ARID4B: variants seen among roughly 807,000 people sequenced by gnomAD.
ARID4B encodes the protein AT-rich interaction domain 4B.
A neutral mutation model predicts 147.5 loss-of-function variants in ARID4B; 26 were observed. The observed-to-expected ratio is 0.18, with a 90% CI of 0.13 to 0.24. ARID4B has a LOEUF of 0.24. Among genes scored for constraint, ARID4B ranks in the 10% least tolerant of loss-of-function variants. The probability of loss-of-function intolerance (pLI) is 1.00; values close to 1 mark genes in which losing one functional copy is unlikely to be tolerated. For synonymous variants in ARID4B, 512 were observed against 507.9 expected, an observed-to-expected ratio of 1.01 and a Z score of -0.11; for missense variants, 1,179 against 1,511.5, an observed-to-expected ratio of 0.78 and a Z score of 3.65.
At chr1:235,289,485 A>C (rs1007197405) in intron 2 of ARID4B, among the ~76,000 whole-genome samples, 2 of 152,164 alleles carry the variant, frequency 1.3e-5, no homozygotes, top group Non-Finnish European at 2.9e-5. Flanking sequence ...CAACACTGGG[A>C]GGCCGAGGTA....
intron 2 of ARID4B, among the ~76,000 whole-genome samples, chr1:235,306,563 A>T (rs866563786): frequency 6.6e-6 from 1 of 152,108 alleles, no homozygotes; most frequent in Admixed American, 6.6e-5. Context: ...ACTACTATTT[A>T]TTATTACAGA....
At chr1:235,195,058 T>G (rs1243104347) in intron 18 of ARID4B, among the ~76,000 whole-genome samples, 1 of 152,128 alleles carries the variant, frequency 6.6e-6, no homozygotes, top group Non-Finnish European at 1.5e-5. Context: ...AAAATTTTGT[T>G]GATTTATAGG....
intron 2 of ARID4B, among the ~76,000 whole-genome samples, chr1:235,283,461 ATAG>A (rs1671787741): frequency 6.6e-6 from 1 of 152,250 alleles, no homozygotes; most frequent in African/African-American, 2.4e-5. Context: ...TAAAATGTTA[ATAG>A]TAGTTACCTC....
At chr1:235,254,402 T>C (rs757161925) in intron 5 of ARID4B, among the ~76,000 whole-genome samples, 1 of 152,020 alleles carries the variant, frequency 6.6e-6, no homozygotes, top group Non-Finnish European at 1.5e-5. Flanking sequence ...TACTTTTTAA[T>C]CATTATTTTA....
chr1:235,173,793 T>TATATATATATATATGTATACCTAAAAC (rs1663621179), intron 22 of ARID4B, among the ~76,000 whole-genome samples: 3 of 71,008 alleles, frequency 4.2e-5, no homozygotes, highest in Admixed American at 3.7e-4. Context: ...TATATATATA[T>TATATATATATATATGTATACCTAAAAC]ATATATATAT....
chr1:235,261,360 A>G (rs1219819962), intron 2 of ARID4B, among the ~76,000 whole-genome samples: 3 of 152,124 alleles, frequency 2.0e-5, no homozygotes, highest in African/African-American at 7.2e-5. Context: ...ACTCTACAAA[A>G]TAAAAAAATA....
intron 2 of ARID4B, among the ~76,000 whole-genome samples, chr1:235,271,987 CACCA>C (rs202229867): frequency 0.14 from 19,915 of 138,870 alleles, 1,519 homozygotes; most frequent in African/African-American, 0.21. Flanking sequence ...TAATAATCCC[CACCA>C]ACCAAGTTTT....
intron 2 of ARID4B, among the ~76,000 whole-genome samples, chr1:235,309,519 C>T (rs1673883063): frequency 6.8e-6 from 1 of 148,086 alleles, no homozygotes; most frequent in South Asian, 2.2e-4. Flanking sequence ...AGCCCCTCTG[C>T]CCGGCCAGCC....
intron 2 of ARID4B, among the ~76,000 whole-genome samples, chr1:235,273,418 C>T (rs1170063021): frequency 1.3e-5 from 2 of 152,116 alleles, no homozygotes; most frequent in African/African-American, 4.8e-5. Context: ...TTTTATGTTA[C>T]TGAAATTCAT....
chr1:235,243,187 TA>T (rs565578984), intron 7 of ARID4B, among the ~76,000 whole-genome samples: 107 of 152,322 alleles, frequency 7.0e-4, no homozygotes, highest in African/African-American at 2.0e-3. Context: ...AAGATGCATT[TA>T]TTTTTTTATT....
At chr1:235,235,914 G>A (rs1383392778) in intron 8 of ARID4B, among the ~76,000 whole-genome samples, 1 of 151,750 alleles carries the variant, frequency 6.6e-6, no homozygotes, top group African/African-American at 2.4e-5. Context: ...TATAGTTCCT[G>A]GGACTATGTA....
At chr1:235,169,538 G>T (rs1663181272) in intron 23 of ARID4B, among the ~76,000 whole-genome samples, 1 of 144,666 alleles carries the variant, frequency 6.9e-6, no homozygotes, top group Non-Finnish European at 1.5e-5. Flanking sequence ...ACCGCGCCCA[G>T]CCTGTTTGTT....
At chr1:235,177,987 T>C (rs547197547) in intron 20 of ARID4B, 74 bp from the exon 21 acceptor site, 1 of 812,516 alleles carries the variant, frequency 1.2e-6, no homozygotes, top group African/African-American at 1.7e-5. Flanking sequence ...TTCCACATTT[T>C]AGAAACATAG....
chr1:235,276,862 TG>T (rs1671347927), intron 2 of ARID4B, among the ~76,000 whole-genome samples: 2 of 150,906 alleles, frequency 1.3e-5, no homozygotes, highest in African/African-American at 4.9e-5. Flanking sequence ...TAGCTGGGAG[TG>T]GTAGCGGGTG....
At chr1:235,232,748 A>G (rs1668318558) in intron 9 of ARID4B, among the ~76,000 whole-genome samples, 1 of 152,060 alleles carries the variant, frequency 6.6e-6, no homozygotes, top group Admixed American at 6.6e-5. Context: ...CCCCCCAACA[A>G]TTTAATATTA....
chr1:235,174,042 C>CT (rs753651970), intron 22 of ARID4B, among the ~76,000 whole-genome samples: 152 of 142,138 alleles, frequency 1.1e-3, no homozygotes, highest in Non-Finnish European at 1.1e-3. Context: ...TCAGAAGTAT[C>CT]TTTTTTTTTT....
rs10925220 is a variant in ARID4B, at chr1:235,246,609, G to T, written c.355-98C>A. 0.011 allele frequency: 9,041 copies of T among 795,252 alleles called. 639 individuals carry two copies. In the African/African-American group the frequency reaches 0.14, roughly 12 times the overall value. The allele number at this position is 795,252 out of a possible 1,614,324, so 49.3% of individuals were successfully genotyped here. ...ATTTAAGAATATGCTCAGATTTTGA[G>T]ATTAAACTCTCCCCCCAGGGAAGCT... On this transcript the variant is annotated intron_variant, in intron 6 of 23. Coordinates refer to ENST00000264183, the MANE Select transcript of ARID4B (RefSeq NM_016374.6).
intron 2 of ARID4B, among the ~76,000 whole-genome samples, chr1:235,284,418 T>C (rs532206178): frequency 1.3e-5 from 2 of 152,310 alleles, no homozygotes; most frequent in South Asian, 2.1e-4. Context: ...TCCTATAAAA[T>C]TGATGATGCA....
intron 17 of ARID4B, among the ~76,000 whole-genome samples, chr1:235,210,159 C>A (rs574360122): frequency 6.6e-6 from 1 of 151,784 alleles, no homozygotes; most frequent in African/African-American, 2.4e-5. Context: ...CCCAAGAAGT[C>A]GAGGCTGGAG....
Sources: allele counts gnomAD v4.1 joint callset (sites outside exome capture counted in the v4.1 genomes callset), GRCh38; gene constraint gnomAD v4.1.1; transcripts MANE v1.5; gene names NCBI Gene and HGNC (gene_info 2026-07-23, HGNC 2026-07-21).